The following ADAM32 variants were observed in gnomAD, a reference collection of about 807,000 sequenced individuals.
The protein encoded by ADAM32 is ADAM metallopeptidase domain 32.
A neutral mutation model predicts 114.9 loss-of-function variants in ADAM32; 89 were observed. That is an observed-to-expected ratio of 0.77 (90% CI 0.65 to 0.92). The LOEUF (loss-of-function observed/expected upper bound fraction) is 0.92. Ranked by LOEUF, ADAM32 falls within the 40% of genes least tolerant of loss-of-function variation. ADAM32 has a pLI of 0.00. For missense variants in ADAM32, 870 were observed against 932.8 expected (o/e 0.93, Z 0.88); for synonymous variants, 285 against 307.5 (o/e 0.93, Z 0.77).
intron 11 of ADAM32, among the ~76,000 whole-genome samples, chr8:39,199,209 A>T (rs533403580): frequency 3.3e-5 from 5 of 152,196 alleles, no homozygotes; most frequent in Non-Finnish European, 2.9e-5. Flanking sequence ...TGGGTTGAAC[A>T]TATTTCAAGA....
At chr8:39,268,889 GT>G (rs1812536035) in intron 19 of ADAM32, among the ~76,000 whole-genome samples, 1 of 152,208 alleles carries the variant, frequency 6.6e-6, no homozygotes, top group African/African-American at 2.4e-5. Flanking sequence ...ACCATTCTGA[GT>G]AACTCTATCC....
intron 1 of ADAM32, among the ~76,000 whole-genome samples, chr8:39,117,512 G>T (rs1840427527): frequency 6.6e-6 from 1 of 151,046 alleles, no homozygotes. Flanking sequence ...CCTTTTTGCT[G>T]GGTATACATT....
intron 11 of ADAM32, among the ~76,000 whole-genome samples, chr8:39,205,996 A>G (rs988309210): frequency 6.6e-6 from 1 of 152,128 alleles, no homozygotes; most frequent in Non-Finnish European, 1.5e-5. Flanking sequence ...CATCTGGTGT[A>G]TCAGTTGCTT....
chr8:39,178,114 A>G (rs947460749), intron 10 of ADAM32, among the ~76,000 whole-genome samples: 1 of 152,118 alleles, frequency 6.6e-6, no homozygotes, highest in African/African-American at 2.4e-5. Flanking sequence ...ATGTTTTCCA[A>G]CTTGGTTCTG....
chr8:39,177,381 CT>C (rs1805594520), intron 10 of ADAM32, among the ~76,000 whole-genome samples: 5 of 152,084 alleles, frequency 3.3e-5, no homozygotes, highest in Admixed American at 3.3e-4. Context: ...TATTTTGAGC[CT>C]ATGTGTCTTT....
chr8:39,207,455 G>T (rs1471667586), intron 11 of ADAM32, among the ~76,000 whole-genome samples: 1 of 151,958 alleles, frequency 6.6e-6, no homozygotes, highest in East Asian at 1.9e-4. Flanking sequence ...GTGTATATGG[G>T]GGTACAGTGT....
At chr8:39,126,149 T>C (rs1209537550) in intron 2 of ADAM32, among the ~76,000 whole-genome samples, 1 of 152,208 alleles carries the variant, frequency 6.6e-6, no homozygotes, top group Non-Finnish European at 1.5e-5. Context: ...ATTTGGGCTC[T>C]TTGGGCTCTT....
chr8:39,251,545 T>G (rs983487017), intron 17 of ADAM32, among the ~76,000 whole-genome samples: 1 of 151,864 alleles, frequency 6.6e-6, no homozygotes, highest in Non-Finnish European at 1.5e-5. Context: ...TTTTGCCCAT[T>G]TTTTTAATCA....
chr8:39,144,172 G>A (rs1803354101), intron 3 of ADAM32, among the ~76,000 whole-genome samples: 1 of 152,178 alleles, frequency 6.6e-6, no homozygotes, highest in African/African-American at 2.4e-5. Context: ...GACCCCTTGA[G>A]CTTCCCGGGT....
intron 2 of ADAM32, among the ~76,000 whole-genome samples, chr8:39,126,698 CCA>C (rs1285391193): frequency 6.6e-6 from 1 of 152,078 alleles, no homozygotes; most frequent in Non-Finnish European, 1.5e-5. Flanking sequence ...GCTGGAACTT[CCA>C]GTACTGTATT....
At chr8:39,154,829 C>G (rs1423058307) in intron 6 of ADAM32, among the ~76,000 whole-genome samples, 1 of 151,068 alleles carries the variant, frequency 6.6e-6, no homozygotes, top group African/African-American at 2.4e-5. Context: ...TTGTTGGTTG[C>G]ATAAATGTCT....
Position 39,268,263 on chromosome 8 carries a change from C to T in ADAM32, c.2163-2613C>T, listed in dbSNP as rs78277831. On this transcript the variant is annotated intron_variant, in intron 19 of 24. Transcript: ENST00000379907. Reference sequence around the variant, plus strand: ...CCACATTCTTGTCAATATGTGGTCTCATTTTTTTTAACTTTACCAATTCTG... The same window carrying T: ...CCACATTCTTGTCAATATGTGGTCTTATTTTTTTTAACTTTACCAATTCTG... Among the ~76,000 whole-genome samples, 846 of 152,176 alleles carry T rather than the reference C, an allele frequency of 5.6e-3. 10 individuals carry two copies. Among genetic ancestry groups the T allele is most frequent in the African/African-American group, 0.019 (805 of 41,504 alleles).
At chr8:39,252,576 A>C (rs1811373381) in intron 17 of ADAM32, among the ~76,000 whole-genome samples, 3 of 151,536 alleles carry the variant, frequency 2.0e-5, no homozygotes, top group Non-Finnish European at 3.0e-5. Context: ...GAAGTTATGA[A>C]GATTAGAGCA....
chr8:39,228,742 G>A (rs1809552243), intron 14 of ADAM32, among the ~76,000 whole-genome samples: 1 of 152,188 alleles, frequency 6.6e-6, no homozygotes, highest in African/African-American at 2.4e-5. Context: ...AATTCTAAAA[G>A]CTTGGAAAAC....
At chr8:39,180,920 G>C (rs558333559) in intron 10 of ADAM32, among the ~76,000 whole-genome samples, 26 of 152,340 alleles carry the variant, frequency 1.7e-4, no homozygotes, top group African/African-American at 5.5e-4. Context: ...AGCTGCTCTG[G>C]TGGGGCCTTG....
chr8:39,113,011 C>T (rs533900376), intron 1 of ADAM32, among the ~76,000 whole-genome samples: 28 of 152,342 alleles, frequency 1.8e-4, no homozygotes, highest in East Asian at 1.9e-4. Context: ...CTCTCTGAAT[C>T]TGGTTGGCCT....
intron 17 of ADAM32, among the ~76,000 whole-genome samples, chr8:39,246,660 C>A (rs1810948222): frequency 6.6e-6 from 1 of 152,160 alleles, no homozygotes; most frequent in Admixed American, 6.5e-5. Context: ...CATCACACAC[C>A]AGAGTGGTCT....
At chr8:39,244,507 C>A (rs529754914) in intron 16 of ADAM32, among the ~76,000 whole-genome samples, 1 of 152,250 alleles carries the variant, frequency 6.6e-6, no homozygotes, top group Admixed American at 6.5e-5. Context: ...TATTTACAGT[C>A]AACTGATCTT....
chr8:39,172,028 A>G (rs1585451299), intron 10 of ADAM32, among the ~76,000 whole-genome samples: 1 of 151,266 alleles, frequency 6.6e-6, no homozygotes, highest in East Asian at 1.9e-4. Flanking sequence ...ACAGCATTTT[A>G]TAGTATTATA....
Sources: allele counts gnomAD v4.1 joint callset (sites outside exome capture counted in the v4.1 genomes callset), GRCh38; gene constraint gnomAD v4.1.1; transcripts MANE v1.5; gene names NCBI Gene and HGNC (gene_info 2026-07-23, HGNC 2026-07-21).